Variants in HAPLN3 observed in about 807,000 individuals in gnomAD.
HAPLN3 encodes hyaluronan and proteoglycan link protein 3.
In HAPLN3, 28 loss-of-function variants were observed where a neutral mutation model predicts 28.1. That is an observed-to-expected ratio of 1.00 (90% CI 0.74 to 1.37). The LOEUF is 1.37. Ranked by LOEUF, HAPLN3 falls within the 40% of genes most tolerant of loss-of-function variation. HAPLN3 has a pLI of 0.00. For missense variants in HAPLN3, 513 were observed against 504.6 expected, an observed-to-expected ratio of 1.02 and a Z score of -0.16; for synonymous variants, 211 against 213.1, an observed-to-expected ratio of 0.99 and a Z score of 0.09.
Position 88,887,196 on chromosome 15 carries a change from G to A in HAPLN3, c.103C>T (p.Leu35=), listed in dbSNP as rs754651507. 1.9e-6 allele frequency: 3 copies of A among 1,614,188 alleles called. No homozygotes were observed. In the Admixed American group the frequency reaches 5.0e-5, roughly 27 times the overall value. Residue 35 remains leucine (L), a synonymous_variant, in exon 2 of 5, where the codon CTA becomes TTA. Coordinates refer to ENST00000359595, the MANE Select transcript of HAPLN3 (RefSeq NM_178232.4). ...YYSNSANDQN[L]GNGHGKDLLN... The stretch of plus-strand genomic sequence containing the variant: ...CTACCTTTGCCATGACCGTTGCCTA[G>A]GTTCTGGTCGTTGGCGCTGTTGGAG...
At position 88,881,250 on chromosome 15, in the gene HAPLN3, A is replaced by G; in HGVS notation, c.493+107T>C. On this transcript the variant is annotated intron_variant, in intron 3 of 4. Transcript: ENST00000359595. This position sits in a 1 kb window ranked among gnomAD's most constrained non-coding sequence, Gnocchi z 6.0. ...AGCTTCCATGTGGGTTGTTTTGAGA[A>G]TTAAGTACTTTTAAATGTCTAAAGC... 7.2e-7 allele frequency: 1 copy of G among 1,395,964 alleles called. No homozygotes were observed. Among genetic ancestry groups the G allele is most frequent in the South Asian group, 1.4e-5 (1 of 72,206 alleles). 86.5% of individuals were successfully genotyped at this position (1,395,964 alleles called of 1,614,324 possible). A position where few individuals can be genotyped will look rare whatever the true frequency, so the allele number is the denominator to read the frequency against.
intron 1 of HAPLN3, among the ~76,000 whole-genome samples, chr15:88,892,794 A>G (rs1898046089): frequency 6.6e-6 from 1 of 152,062 alleles, no homozygotes; most frequent in Non-Finnish European, 1.5e-5. Flanking sequence ...AGGAGTGGCA[A>G]TTGCCACTTG....
In HAPLN3 at chr15:88,880,553, C is replaced by G; in HGVS notation, c.493+804G>C. 1 of 1,288,438 alleles carries G rather than the reference C, an allele frequency of 7.8e-7. No individual in the cohort carries two copies. Among genetic ancestry groups the G allele is most frequent in the Non-Finnish European group, 1.0e-6 (1 of 988,088 alleles). 79.8% of individuals were successfully genotyped at this position (1,288,438 alleles called of 1,614,324 possible). On this transcript the variant is annotated intron_variant, in intron 3 of 4. Coordinates refer to ENST00000359595, the MANE Select transcript of HAPLN3 (RefSeq NM_178232.4). The surrounding 1 kb of genome is among the most constrained non-coding windows in gnomAD (Gnocchi z 6.0). ...GGGGCTAAAGTCAGGTCACCTTCCT[C>G]TATCCCCGAACTGCCTCCCTAACAT...
rs1053123282 is a variant in HAPLN3 at position 88,895,246 on chromosome 15, G to A, written c.-48+213C>T. On this transcript the variant is annotated intron_variant, in intron 1 of 4. Coordinates refer to ENST00000359595, the MANE Select transcript of HAPLN3 (RefSeq NM_178232.4). The surrounding 1 kb of genome is among the most constrained non-coding windows in gnomAD (Gnocchi z 5.5). The stretch of plus-strand genomic sequence containing the variant: ...ACGAGGGTCCGGCGCCCGCATCCCC[G>A]CGCCGCTCCCTCCCCACTTGTGCCC... 3.3e-5 allele frequency among the ~76,000 whole-genome samples: 5 copies of A among 152,058 alleles called. No homozygotes were observed. The highest frequency in any genetic ancestry group is 1.2e-4 in the African/African-American group (5 of 41,418).
At chr15:88,887,476 G>A (rs1204670712) in intron 1 of HAPLN3, 131 bp from the exon 2 acceptor site, 19 of 794,440 alleles carry the variant, frequency 2.4e-5, no homozygotes, top group South Asian at 3.6e-5. Flanking sequence ...CGTGCCAGAC[G>A]CTGTTCCCGG....
In HAPLN3 at chr15:88,880,167, A is replaced by G; in HGVS notation, c.494-898T>C. On this transcript the variant is annotated intron_variant, in intron 3 of 4. Transcript: ENST00000359595. The surrounding 1 kb of genome is among the most constrained non-coding windows in gnomAD (Gnocchi z 6.0). ...CTCTACGTGTGTTTGCAGGGGGACT[A>G]TTTCATGCCTGGTTCCACCCCAAAT... 1 of 994,762 alleles carries G rather than the reference A, an allele frequency of 1.0e-6. No individual in the cohort carries two copies. Among genetic ancestry groups the G allele is most frequent in the Non-Finnish European group, 1.2e-6 (1 of 836,106 alleles). 61.6% of individuals were successfully genotyped at this position (994,762 alleles called of 1,614,324 possible). A position where few individuals can be genotyped will look rare whatever the true frequency, so the allele number is the denominator to read the frequency against.
chr15:88,884,298 C>T (rs766214916), intron 2 of HAPLN3, among the ~76,000 whole-genome samples: 29 of 152,230 alleles, frequency 1.9e-4, no homozygotes, highest in Admixed American at 6.5e-4. Flanking sequence ...GGCACGGTGG[C>T]TCACGCCTGT....
chr15:88,884,137 G>T (rs898638433), intron 2 of HAPLN3, among the ~76,000 whole-genome samples: 20 of 152,122 alleles, frequency 1.3e-4, no homozygotes, highest in African/African-American at 4.6e-4. Flanking sequence ...TCCCCTGGGT[G>T]GGGGGATTAT....
At chr15:88,878,347 T>C (rs1897594453) in intron 4 of HAPLN3, 91 bp from the exon 5 acceptor site, 1 of 1,238,172 alleles carries the variant, frequency 8.1e-7, no homozygotes, top group Non-Finnish European at 1.1e-6. Flanking sequence ...CAAAGACCCG[T>C]CTGAGCCCAG....
Position 88,877,857 on chromosome 15 carries a change from T to G in HAPLN3, c.*113A>C. 9.2e-7 allele frequency: 1 copy of G among 1,089,786 alleles called. No homozygotes were observed. The highest frequency in any genetic ancestry group is 1.3e-6 in the Non-Finnish European group (1 of 778,950). The allele number at this position is 1,089,786 out of a possible 1,614,324, so 67.5% of individuals were successfully genotyped here. On this transcript the variant is annotated 3_prime_UTR_variant, in exon 5 of 5. Transcript: ENST00000359595. This position sits in a 1 kb window ranked among gnomAD's most constrained non-coding sequence, Gnocchi z 5.1. ...ATAGTAAAAAAATGTTTAAAGAAAA[T>G]TTAAATTGAGAAGTATAAAAACAGT...
rs1897710053 is a variant in HAPLN3, at chr15:88,881,722, A to C, written c.128T>G (p.Leu43Arg). 2 of 1,608,130 alleles carry C rather than the reference A, an allele frequency of 1.2e-6. No homozygotes were observed. Among genetic ancestry groups the C allele is most frequent in the Non-Finnish European group, 8.5e-7 (1 of 1,176,322 alleles). ...QNLGNGHGKDLLNGVKLVVET... is the reference protein window; with the variant it reads ...QNLGNGHGKDRLNGVKLVVET... The stretch of plus-strand genomic sequence containing the variant: ...CACCACCAGCTTCACTCCATTAAGG[A>C]GGTCTTGGGGGAGAGACAGGGTGCA... Residue 43 changes from leucine to arginine, a missense_variant, in exon 3 of 5, where the codon CTC becomes CGC. Coordinates refer to ENST00000359595, the MANE Select transcript of HAPLN3 (RefSeq NM_178232.4). The surrounding 1 kb of genome is among the most constrained non-coding windows in gnomAD (Gnocchi z 6.0).
Position 88,878,219 on chromosome 15 carries a change from C to A in HAPLN3, c.834G>T (p.Thr278=). Residue 278 remains threonine, a synonymous_variant, in exon 5 of 5, where the codon ACG becomes ACT. Coordinates refer to ENST00000359595, the MANE Select transcript of HAPLN3 (RefSeq NM_178232.4). ...VYYLEHPEKL[T]LTEAREACQE... is the part of the protein sequence containing the mutation. Reference sequence around the variant, plus strand: ...GGCAGGCCTCCCTTGCCTCTGTCAGCGTCAGCTTCTCAGGGTGCTCCAGGT... The same window carrying A: ...GGCAGGCCTCCCTTGCCTCTGTCAGAGTCAGCTTCTCAGGGTGCTCCAGGT... 6.2e-7 allele frequency: 1 copy of A among 1,613,956 alleles called. No individual in the cohort carries two copies. Among genetic ancestry groups the A allele is most frequent in the Non-Finnish European group, 8.5e-7 (1 of 1,179,914 alleles).
chr15:88,886,982 G>A (rs570089868), intron 2 of HAPLN3, among the ~76,000 whole-genome samples, 193 bp downstream of exon 2: 3 of 152,160 alleles, frequency 2.0e-5, no homozygotes, highest in Admixed American at 1.3e-4. Flanking sequence ...GCCCCATGAC[G>A]AAGGGGCTGG....
intron 1 of HAPLN3, among the ~76,000 whole-genome samples, chr15:88,892,640 G>A (rs1292401461): frequency 6.6e-6 from 1 of 152,042 alleles, no homozygotes; most frequent in African/African-American, 2.4e-5. Context: ...CTGCTAGCTG[G>A]GTGACCCTGG....
chr15:88,888,186 G>A lies in HAPLN3; in HGVS notation c.-47-841C>T, dbSNP rs140583752. ...TGCTCACTGCAACCTCCGCCTCCTG[G>A]GTTCAAGAAATTCTCCTGCCTCAGC... On this transcript the variant is annotated intron_variant, in intron 1 of 4. Coordinates refer to ENST00000359595, the MANE Select transcript of HAPLN3 (RefSeq NM_178232.4). The surrounding 1 kb of genome is among the most constrained non-coding windows in gnomAD (Gnocchi z 4.1). Among the ~76,000 whole-genome samples the A allele has an allele frequency of 5.8e-3, 878 of 150,978 alleles. 4 individuals are homozygous for A. The highest frequency in any genetic ancestry group is 9.7e-3 in the Non-Finnish European group (655 of 67,762).
rs1009733257 is a variant in HAPLN3, at chr15:88,881,651, T to C, written c.199A>G (p.Ile67Val). The change falls in exon 3 of 5, where the codon ATC becomes GTC. Residue 67 changes from isoleucine to valine, a missense_variant. By Grantham distance (29) the Ile-to-Val change is conservative. Transcript: ENST00000359595. The surrounding 1 kb of genome is among the most constrained non-coding windows in gnomAD (Gnocchi z 6.0). Reference protein sequence around the residue: ...TLFTYQGASVILPCRYRYEPA... With the variant: ...TLFTYQGASVVLPCRYRYEPA... Reference sequence around the variant, plus strand: ...TCGTAGCGGTAGCGGCAGGGCAGGATCACACTGGCCCCTTGGTAGGTGAAC... The same window carrying C: ...TCGTAGCGGTAGCGGCAGGGCAGGACCACACTGGCCCCTTGGTAGGTGAAC... The C allele has an allele frequency of 3.7e-6, 6 of 1,613,566 alleles. No homozygotes were observed. The Admixed American group carries it at 5.0e-5, about 13-fold the overall frequency.
Position 88,894,742 on chromosome 15 carries a change from G to A in HAPLN3, c.-48+717C>T, listed in dbSNP as rs576275580. ...CTGCCTGTGGCCTGTGGCTGCCAAC[G>A]AGCTGGTGGCAGGACTGGGTCCAAG... On this transcript the variant is annotated intron_variant, in intron 1 of 4. Transcript: ENST00000359595. 4.0e-3 allele frequency among the ~76,000 whole-genome samples: 611 copies of A among 152,338 alleles called. 7 individuals carry two copies. The highest frequency in any genetic ancestry group is 5.5e-3 in the Non-Finnish European group (374 of 68,026).
chr15:88,881,541 C>G lies in HAPLN3; in HGVS notation c.309G>C (p.Val103=). ...AGGAGCGGTGCCTCAGCCCGATGGC[C>G]ACCAGCACGTCCTTCTCTGGGGCCC... is the stretch of plus-strand genomic sequence containing the variant. ...ENGAPEKDVL[V]AIGLRHRSFG... The change falls in exon 3 of 5, where the codon GTG becomes GTC. Residue 103 remains valine (V), a synonymous_variant. Transcript: ENST00000359595. The surrounding 1 kb of genome is among the most constrained non-coding windows in gnomAD (Gnocchi z 6.0). 6.2e-7 allele frequency: 1 copy of G among 1,614,136 alleles called. No individual in the cohort carries two copies. The highest frequency in any genetic ancestry group is 1.1e-5 in the South Asian group (1 of 91,082).
chr15:88,894,064 T>A (rs1898091485), intron 1 of HAPLN3, among the ~76,000 whole-genome samples: 1 of 151,990 alleles, frequency 6.6e-6, no homozygotes, highest in Non-Finnish European at 1.5e-5. Context: ...GAGCAAGCAC[T>A]GGGAAAATAT....
Sources: gnomAD v4.1 joint callset for allele counts (sites outside exome capture counted in the v4.1 genomes callset) on GRCh38, gnomAD v4.1.1 for gene constraint, Gnocchi (gnomAD v3.1) non-coding constraint, MANE v1.5 for transcripts, NCBI Gene and HGNC (gene_info 2026-07-23, HGNC 2026-07-21) for gene names.